The following ZNF333 variants were observed in gnomAD, a reference collection of about 807,000 sequenced individuals.
ZNF333 encodes zinc finger protein 333.
A neutral mutation model predicts 76.1 loss-of-function variants in ZNF333; 61 were observed. The ratio of observed to expected loss-of-function variants is 0.80; its 90% CI spans 0.65 to 0.99. The LOEUF (loss-of-function observed/expected upper bound fraction) is 0.99, where lower values mean the gene tolerates loss of function less well. Ranked by LOEUF, ZNF333 falls within the 50% of genes least tolerant of loss-of-function variation. ZNF333 has a pLI of 0.00. For synonymous variants in ZNF333, 284 were observed against 305.0 expected (o/e 0.93, Z 0.72); for missense variants, 717 against 822.4 (o/e 0.87, Z 1.57).
At chr19:14,697,361 T>TC (rs201821649) in intron 4 of ZNF333, among the ~76,000 whole-genome samples, 4,737 of 139,236 alleles carry the variant, frequency 0.034, 92 homozygotes, top group African/African-American at 0.075. Context: ...TCTTTTCTTT[T>TC]TTTTTTTTTT....
intron 7 of ZNF333, among the ~76,000 whole-genome samples, chr19:14,714,429 C>T (rs532458105): frequency 1.3e-5 from 2 of 152,162 alleles, no homozygotes; most frequent in Middle Eastern, 3.4e-3. Context: ...CCCCAAGTGT[C>T]GATGGCCGCC....
exon 12 of ZNF333, chr19:14,731,371 G>A (rs562321126): frequency 3.3e-6 from 2 of 614,034 alleles, no homozygotes; most frequent in Non-Finnish European, 5.7e-6. Flanking sequence ...CTTAACTTCC[G>A]GCTTCCGGGA....
At chr19:14,710,210 G>A (rs924069683) in intron 7 of ZNF333, among the ~76,000 whole-genome samples, 7 of 152,218 alleles carry the variant, frequency 4.6e-5, no homozygotes, top group Non-Finnish European at 8.8e-5. Flanking sequence ...AGCCAGTGAC[G>A]TGTTTAGGTG....
At position 14,718,308 on chromosome 19, in the gene ZNF333, G is replaced by T; in HGVS notation, c.981G>T (p.Gln327His). The change falls in exon 12 of 12, where the codon CAG (glutamine) becomes CAT (histidine). Residue 327 changes from glutamine to histidine, a missense_variant. By Grantham distance (24) the Gln-to-His change is conservative. Transcript: ENST00000292530. ...TTAACAGCATTGAACCACTTTTCCAGTACCAGAGAATTCATGCTGGAGAGG... is the reference window on the plus strand; with the variant it reads ...TTAACAGCATTGAACCACTTTTCCATTACCAGAGAATTCATGCTGGAGAGG... ...KPFNSIEPLF[Q>H]YQRIHAGEAS... 6.2e-7 allele frequency: 1 copy of T among 1,614,160 alleles called. No individual in the cohort carries two copies. The highest frequency in any genetic ancestry group is 1.1e-5 in the South Asian group (1 of 91,078).
At chr19:14,699,394 G>A in intron 5 of ZNF333, 113 bp downstream of exon 5, 1 of 929,138 alleles carries the variant, frequency 1.1e-6, no homozygotes, top group Non-Finnish European at 1.7e-6. Context: ...GTGTCTCTTG[G>A]AAGGGAAACA....
At chr19:14,698,039 C>T (rs1973350856) in intron 4 of ZNF333, among the ~76,000 whole-genome samples, 1 of 152,038 alleles carries the variant, frequency 6.6e-6, no homozygotes. Context: ...CACACATAGC[C>T]CTACATACAG....
intron 1 of ZNF333, 84 bp from the exon 2 acceptor site, chr19:14,693,367 T>G: frequency 2.8e-6 from 3 of 1,072,570 alleles, no homozygotes; most frequent in Non-Finnish European, 4.0e-6. Context: ...GGGTTTTGAT[T>G]GTGACCACTC....
At chr19:14,731,143 C>G in intron 11 of ZNF333, 1 of 1,532,010 alleles carries the variant, frequency 6.5e-7, no homozygotes, top group Non-Finnish European at 8.7e-7. Context: ...TTCTCTTTCC[C>G]TCATTCTTCC....
chr19:14,699,812 T>C (rs1325749454), intron 5 of ZNF333, among the ~76,000 whole-genome samples: 2 of 151,964 alleles, frequency 1.3e-5, no homozygotes, highest in Non-Finnish European at 2.9e-5. Context: ...TCAGCAACTG[T>C]CAGAAAAACC....
At position 14,705,131 on chromosome 19, in the gene ZNF333, G is replaced by GCCAGCTCT. The variant is rs2042072276; in HGVS notation, c.389_396dup (p.Glu133LeufsTer14). 6.2e-7 allele frequency: 1 copy of GCCAGCTCT among 1,613,808 alleles called. No individual in the cohort carries two copies. The highest frequency in any genetic ancestry group is 1.7e-5 in the Admixed American group (1 of 60,008). Reference sequence around the variant, plus strand: ...AGACACCATTGACTCGAGAGGACCGGCCAGCTCTCCAGGAGCCGCCTTGGT... The same window carrying GCCAGCTCT: ...AGACACCATTGACTCGAGAGGACCGGCCAGCTCTCCAGCTCTCCAGGAGCCGCCTTGGT... On this transcript the variant is annotated frameshift_variant, in exon 6 of 12. Coordinates refer to ENST00000292530, the MANE Select transcript of ZNF333 (RefSeq NM_032433.4). LOFTEE classifies it high-confidence loss of function.
At chr19:14,727,024 C>CTTTTTTTTTTTTTTTT (rs33936016) in intron 11 of ZNF333, among the ~76,000 whole-genome samples, 2 of 70,098 alleles carry the variant, frequency 2.9e-5, no homozygotes, top group African/African-American at 6.3e-5. Flanking sequence ...AGAAAAGAGG[C>CTTTTTTTTTTTTTTTT]TTTTTTTTTT....
intron 7 of ZNF333, chr19:14,708,695 A>G (rs530564807): frequency 1.8e-4 from 48 of 261,024 alleles, no homozygotes; most frequent in African/African-American, 1.0e-3. Context: ...CTTTTCCTCT[A>G]TGAGTTTGCT....
chr19:14,702,877 G>A (rs2041998136), intron 5 of ZNF333, among the ~76,000 whole-genome samples: 1 of 152,146 alleles, frequency 6.6e-6, no homozygotes, highest in African/African-American at 2.4e-5. Flanking sequence ...GCAAGGAGAA[G>A]TATAAACAAA....
intron 4 of ZNF333, among the ~76,000 whole-genome samples, chr19:14,696,113 G>A (rs1973166986): frequency 6.6e-6 from 1 of 152,198 alleles, no homozygotes; most frequent in South Asian, 2.1e-4. Flanking sequence ...AGAAGTTGCA[G>A]TGAGCCAAGA....
upstream of ZNF333, chr19:14,689,862 C>G: frequency 6.6e-6 from 1 of 152,390 alleles, no homozygotes; most frequent in African/African-American, 2.4e-5. Context: ...GGCTCCGCCC[C>G]CAGCACCACC....
At chr19:14,699,089 ATG>A in intron 4 of ZNF333, 108 bp from the exon 5 acceptor site, 2 of 708,706 alleles carry the variant, frequency 2.8e-6, no homozygotes, top group Non-Finnish European at 4.7e-6. Context: ...GAAAAAGCCT[ATG>A]TGTGTATAGT....
At chr19:14,725,770 C>T (rs551187305), downstream of ZNF333, among the ~76,000 whole-genome samples, 1 of 152,358 alleles carries the variant, frequency 6.6e-6, no homozygotes, top group East Asian at 1.9e-4. Flanking sequence ...CTTTGGGCAG[C>T]TCCAGCCCTG....
intron 2 of ZNF333, among the ~76,000 whole-genome samples, chr19:14,694,357 C>T (rs1270514295): frequency 6.6e-6 from 1 of 152,050 alleles, no homozygotes; most frequent in Non-Finnish European, 1.5e-5. Flanking sequence ...CCTGTAATCC[C>T]AGCTACTTGG....
chr19:14,706,506 G>A, intron 6 of ZNF333, 180 bp from the exon 7 acceptor site: 7 of 631,488 alleles, frequency 1.1e-5, no homozygotes, highest in Non-Finnish European at 2.0e-5. Context: ...TTGGATCACA[G>A]TGATTAGCTT....
Sources: gnomAD v4.1 joint callset for allele counts (sites outside exome capture counted in the v4.1 genomes callset) on GRCh38, gnomAD v4.1.1 for gene constraint, MANE v1.5 for transcripts, NCBI Gene and HGNC (gene_info 2026-07-23, HGNC 2026-07-21) for gene names.